KCNK1: variants seen among roughly 807,000 people sequenced by gnomAD.
The protein encoded by KCNK1 is potassium two pore domain channel subfamily K member 1.
In KCNK1, 10 loss-of-function variants were observed where a neutral mutation model predicts 22.2. That is an observed-to-expected ratio of 0.45 (90% confidence interval 0.28 to 0.76). KCNK1 has a LOEUF of 0.76. Among genes scored for constraint, KCNK1 ranks in the 30% least tolerant of loss-of-function variants. The pLI, the probability that KCNK1 is intolerant of heterozygous loss-of-function variation, is 0.14. For missense variants in KCNK1, 378 were observed against 421.0 expected (o/e 0.90, Z 0.89); for synonymous variants, 200 against 186.4 (o/e 1.07, Z -0.60).
In KCNK1 at chr1:233,659,045, CACTTGTTT is replaced by C. The variant is rs565579899; in HGVS notation, c.356-7545_356-7538del. ...TTATTATATTAATCTTAGCTTTTGT[CACTTGTTT>C]ACTTTATAAACTTTTTAATGTTTTT... is the stretch of plus-strand genomic sequence containing the variant. On this transcript the variant is annotated intron_variant, in intron 1 of 2. Coordinates refer to ENST00000366621, the MANE Select transcript of KCNK1 (RefSeq NM_002245.4). Among the ~76,000 whole-genome samples, 632 of 152,126 alleles carry C rather than the reference CACTTGTTT, an allele frequency of 4.2e-3. 4 individuals are homozygous for C. Among genetic ancestry groups the C allele is most frequent in the African/African-American group, 0.015 (605 of 41,534 alleles).
At chr1:233,629,022 C>G (rs1227221681) in intron 1 of KCNK1, among the ~76,000 whole-genome samples, 3 of 151,982 alleles carry the variant, frequency 2.0e-5, no homozygotes, top group Non-Finnish European at 4.4e-5. Context: ...TAAGTAAGAC[C>G]CCCTTCTAAC....
chr1:233,620,803 T>C (rs1657572983), intron 1 of KCNK1, among the ~76,000 whole-genome samples: 2 of 149,844 alleles, frequency 1.3e-5, no homozygotes, highest in African/African-American at 5.0e-5. Flanking sequence ...GAAATAGACA[T>C]GGCAGGTTAT....
intron 2 of KCNK1, 77 bp downstream of exon 2, chr1:233,667,067 C>T (rs1330768288): frequency 5.1e-6 from 6 of 1,167,410 alleles, no homozygotes; most frequent in African/African-American, 3.3e-5. Context: ...ATTTTGAGCC[C>T]AGCTCTCACT....
At chr1:233,655,065 C>A (rs988138287) in intron 1 of KCNK1, among the ~76,000 whole-genome samples, 3 of 152,198 alleles carry the variant, frequency 2.0e-5, no homozygotes, top group African/African-American at 4.8e-5. Flanking sequence ...CACAGAGCAA[C>A]CTTTGGGGAG....
intron 1 of KCNK1, among the ~76,000 whole-genome samples, chr1:233,649,351 A>G (rs1658158298): frequency 6.6e-6 from 1 of 152,190 alleles, no homozygotes; most frequent in Non-Finnish European, 1.5e-5. Context: ...GTGATTTTTC[A>G]TTGGTGAAAT....
intron 1 of KCNK1, among the ~76,000 whole-genome samples, chr1:233,639,423 G>A (rs761389533): frequency 6.6e-6 from 1 of 152,176 alleles, no homozygotes; most frequent in African/African-American, 2.4e-5. Context: ...GTGTATTCCT[G>A]TGTATTTTGA....
At chr1:233,635,210 A>G (rs956951129) in intron 1 of KCNK1, among the ~76,000 whole-genome samples, 1 of 152,200 alleles carries the variant, frequency 6.6e-6, no homozygotes, top group African/African-American at 2.4e-5. Context: ...TGTTTTATGT[A>G]TGTACTTGGT....
intron 1 of KCNK1, among the ~76,000 whole-genome samples, chr1:233,619,501 A>C (rs1390373885): frequency 6.6e-6 from 1 of 152,196 alleles, no homozygotes; most frequent in Non-Finnish European, 1.5e-5. Flanking sequence ...GTAGTTTTCA[A>C]ATAAAGAAGA....
intron 1 of KCNK1, among the ~76,000 whole-genome samples, chr1:233,620,939 T>C (rs1005241235): frequency 6.6e-6 from 1 of 152,114 alleles, no homozygotes; most frequent in Non-Finnish European, 1.5e-5. Context: ...AATAAACTGA[T>C]GAGATATAGG....
At chr1:233,668,165 C>T (rs1189147035) in intron 2 of KCNK1, among the ~76,000 whole-genome samples, 2 of 152,162 alleles carry the variant, frequency 1.3e-5, no homozygotes, top group African/African-American at 2.4e-5. Flanking sequence ...AATGTACCTA[C>T]TGTTTTCATT....
At chr1:233,660,550 T>C (rs994076417) in intron 1 of KCNK1, 1 of 152,232 alleles carries the variant, frequency 6.6e-6, no homozygotes, top group African/African-American at 2.4e-5. Flanking sequence ...TTCAAGAATA[T>C]GAAAGGCATG....
At chr1:233,652,319 C>G (rs1558116778) in intron 1 of KCNK1, among the ~76,000 whole-genome samples, 1 of 152,110 alleles carries the variant, frequency 6.6e-6, no homozygotes, top group African/African-American at 2.4e-5. Flanking sequence ...GCCATCACCC[C>G]TCTTTGATTT....
At chr1:233,665,525 A>C (rs1340183040) in intron 1 of KCNK1, among the ~76,000 whole-genome samples, 4 of 145,292 alleles carry the variant, frequency 2.8e-5, no homozygotes, top group Non-Finnish European at 4.6e-5. Flanking sequence ...CAAACATTTC[A>C]CAACAAACAA....
intron 1 of KCNK1, among the ~76,000 whole-genome samples, chr1:233,632,301 T>TA (rs1420900649): frequency 6.6e-6 from 1 of 152,178 alleles, no homozygotes; most frequent in East Asian, 1.9e-4. Context: ...TTTTTCTCCC[T>TA]AAAAATGTGA....
intron 1 of KCNK1, among the ~76,000 whole-genome samples, chr1:233,651,889 T>A (rs1379813776): frequency 6.6e-6 from 1 of 152,238 alleles, no homozygotes; most frequent in Non-Finnish European, 1.5e-5. Context: ...TTATGTGGAT[T>A]ACATTCACAT....
intron 1 of KCNK1, among the ~76,000 whole-genome samples, chr1:233,653,044 G>A (rs527933936): frequency 6.6e-6 from 1 of 152,230 alleles, no homozygotes; most frequent in East Asian, 1.9e-4. Context: ...TCTTTATCAG[G>A]CTTTCACCTT....
chr1:233,626,385 A>T (rs895033737), intron 1 of KCNK1, among the ~76,000 whole-genome samples: 1 of 151,786 alleles, frequency 6.6e-6, no homozygotes, highest in Non-Finnish European at 1.5e-5. Flanking sequence ...TGAACTTGAG[A>T]TCCCTTTTGG....
At chr1:233,655,374 G>A (rs1379192650) in intron 1 of KCNK1, among the ~76,000 whole-genome samples, 10 of 152,180 alleles carry the variant, frequency 6.6e-5, no homozygotes. Flanking sequence ...CATATATGAT[G>A]TAGGTGCTGT....
In KCNK1 at chr1:233,671,481, T is replaced by C. The variant is rs146074537; in HGVS notation, c.962T>C (p.Phe321Ser). Residue 321 changes from phenylalanine (F) to serine (S), a missense_variant, in exon 3 of 3, where the codon TTT becomes TCT. Phe to Ser is a radical substitution (Grantham distance 155, BLOSUM62 -2). Transcript: ENST00000366621. ...GAGGACCAGAAGCAAAATGAGCCTTTTGTGGCCACCCAGTCATCTGCCTGC... is the reference window on the plus strand; with the variant it reads ...GAGGACCAGAAGCAAAATGAGCCTTCTGTGGCCACCCAGTCATCTGCCTGC... ...MKEDQKQNEP[F>S]VATQSSACVD... The C allele has an allele frequency of 7.4e-6, 12 of 1,614,074 alleles. No homozygotes were observed. Among genetic ancestry groups the C allele is most frequent in the Non-Finnish European group, 2.5e-6 (3 of 1,180,026 alleles).
Sources: allele counts gnomAD v4.1 joint callset (sites outside exome capture counted in the v4.1 genomes callset), GRCh38; gene constraint gnomAD v4.1.1; transcripts MANE v1.5; gene names NCBI Gene and HGNC (gene_info 2026-07-23, HGNC 2026-07-21).